The following MACROD2 variants were observed in gnomAD, a reference collection of about 807,000 sequenced individuals.
The protein encoded by MACROD2 is ADP-ribose glycohydrolase MACROD2.
In MACROD2, 36 loss-of-function variants were observed where a neutral mutation model predicts 70.4. That is an observed-to-expected ratio of 0.51 (90% CI 0.39 to 0.68). MACROD2 has a LOEUF of 0.68. Among genes scored for constraint, MACROD2 ranks in the 30% least tolerant of loss-of-function variants. MACROD2 has a pLI of 0.00. For synonymous variants in MACROD2, 172 were observed against 178.8 expected (o/e 0.96, Z 0.30); for missense variants, 496 against 538.4 (o/e 0.92, Z 0.78).
At chr20:15,294,277 T>C (rs2077567115) in intron 6 of MACROD2, among the ~76,000 whole-genome samples, 1 of 152,132 alleles carries the variant, frequency 6.6e-6, no homozygotes, top group Non-Finnish European at 1.5e-5. Flanking sequence ...CCAGGTGACC[T>C]CTTTCCCACC....
chr20:16,043,430 G>A (rs2067334456), intron 16 of MACROD2, among the ~76,000 whole-genome samples: 2 of 152,082 alleles, frequency 1.3e-5, no homozygotes, highest in Admixed American at 6.6e-5. Flanking sequence ...TATATGATCT[G>A]GCCATTGTCT....
chr20:15,784,595 CA>C (rs1242206788), intron 8 of MACROD2, among the ~76,000 whole-genome samples: 1 of 152,080 alleles, frequency 6.6e-6, no homozygotes, highest in Non-Finnish European at 1.5e-5. Flanking sequence ...ACTTCCTGAT[CA>C]TCTTCTTCTG....
chr20:15,096,712 A>G (rs1425135990), intron 5 of MACROD2, among the ~76,000 whole-genome samples: 1 of 151,242 alleles, frequency 6.6e-6, no homozygotes, highest in Non-Finnish European at 1.5e-5. Flanking sequence ...AGCTTTCACC[A>G]TGTTGACCAG....
chr20:15,119,265 T>C (rs1381890076), intron 5 of MACROD2, among the ~76,000 whole-genome samples: 1 of 152,212 alleles, frequency 6.6e-6, no homozygotes, highest in Non-Finnish European at 1.5e-5. Flanking sequence ...CTCTACTTTA[T>C]GTTGTATCTT....
chr20:14,125,742 G>A (rs749655778), intron 3 of MACROD2, among the ~76,000 whole-genome samples: 3 of 152,000 alleles, frequency 2.0e-5, no homozygotes, highest in Non-Finnish European at 4.4e-5. Flanking sequence ...CAAGTATACA[G>A]CATAACTCTT....
intron 8 of MACROD2, among the ~76,000 whole-genome samples, chr20:15,798,055 C>A (rs570938861): frequency 3.9e-4 from 59 of 152,296 alleles, no homozygotes; most frequent in African/African-American, 1.4e-3. Flanking sequence ...ATGAGCATAG[C>A]TGTGTTTTGC....
chr20:14,310,025 G>A (rs947811012), intron 3 of MACROD2, among the ~76,000 whole-genome samples: 4 of 151,964 alleles, frequency 2.6e-5, no homozygotes, highest in Non-Finnish European at 5.9e-5. Flanking sequence ...TGAGCATGGG[G>A]GCTTGCTGGA....
intron 7 of MACROD2, among the ~76,000 whole-genome samples, chr20:15,443,748 CA>C (rs2146379390): frequency 1.3e-5 from 2 of 152,230 alleles, no homozygotes; most frequent in South Asian, 4.2e-4. Flanking sequence ...ATATCTGTTT[CA>C]TGGCTAAAAA....
rs190872632 is a variant in MACROD2, at chr20:14,767,939, A to G, written c.418+82980A>G. On this transcript the variant is annotated intron_variant, in intron 5 of 17. Transcript: ENST00000684519. Reference sequence around the variant, plus strand: ...TTTGGTGAGAATGATGGTTTCCAGCATCATCCATGTCCCTGCAAGGACATG... The same window carrying G: ...TTTGGTGAGAATGATGGTTTCCAGCGTCATCCATGTCCCTGCAAGGACATG... 1.8e-4 allele frequency among the ~76,000 whole-genome samples: 27 copies of G among 152,136 alleles called. No individual in the cohort carries two copies. In the East Asian group the frequency reaches 5.2e-3, roughly 29 times the overall value.
intron 8 of MACROD2, among the ~76,000 whole-genome samples, chr20:15,503,920 A>G (rs1309010203): frequency 6.6e-6 from 1 of 152,212 alleles, no homozygotes; most frequent in African/African-American, 2.4e-5. Context: ...TTTCTTATTC[A>G]GCTGAGTTTA....
chr20:15,556,121 G>A (rs1470812447), intron 8 of MACROD2, among the ~76,000 whole-genome samples: 4 of 152,100 alleles, frequency 2.6e-5, no homozygotes, highest in Non-Finnish European at 4.4e-5. Flanking sequence ...ATTAAAATGG[G>A]TCATATGCAT....
At chr20:15,664,655 A>G (rs1568961132) in intron 8 of MACROD2, among the ~76,000 whole-genome samples, 1 of 152,140 alleles carries the variant, frequency 6.6e-6, no homozygotes, top group Non-Finnish European at 1.5e-5. Flanking sequence ...TGATCCTCAT[A>G]TGCTTGGTCT....
intron 3 of MACROD2, among the ~76,000 whole-genome samples, chr20:14,365,135 T>G (rs565987222): frequency 3.3e-4 from 50 of 152,316 alleles, no homozygotes; most frequent in Admixed American, 2.8e-3. Flanking sequence ...GATTACTGAC[T>G]TAATCTCTTT....
At chr20:14,508,036 T>C (rs893647096) in intron 4 of MACROD2, among the ~76,000 whole-genome samples, 1 of 152,008 alleles carries the variant, frequency 6.6e-6, no homozygotes. Flanking sequence ...AGAAGAGGCA[T>C]GGAGGGAGAG....
At chr20:14,873,526 T>A (rs1339146812) in intron 5 of MACROD2, among the ~76,000 whole-genome samples, 2 of 152,038 alleles carry the variant, frequency 1.3e-5, no homozygotes, top group Non-Finnish European at 2.9e-5. Context: ...AGGTGGAAAA[T>A]CTCATTAATG....
At chr20:15,901,086 G>T (rs151153550) in intron 10 of MACROD2, among the ~76,000 whole-genome samples, 2 of 152,218 alleles carry the variant, frequency 1.3e-5, no homozygotes, top group African/African-American at 4.8e-5. Flanking sequence ...TGCAAGCAGA[G>T]ATACATTTTT....
At chr20:16,035,297 T>A (rs1169919120) in intron 15 of MACROD2, among the ~76,000 whole-genome samples, 1 of 150,782 alleles carries the variant, frequency 6.6e-6, no homozygotes, top group Admixed American at 6.7e-5. Context: ...AGTTGTGAAT[T>A]GTGCTGCTAT....
At chr20:14,170,249 GTC>G (rs2081209016) in intron 3 of MACROD2, among the ~76,000 whole-genome samples, 1 of 152,148 alleles carries the variant, frequency 6.6e-6, no homozygotes, top group South Asian at 2.1e-4. Context: ...TTTTGGAGGA[GTC>G]TTTAGGGTTT....
At chr20:14,190,690 ATATATATATTTTTT>A (rs2081377825) in intron 3 of MACROD2, among the ~76,000 whole-genome samples, 1 of 42,218 alleles carries the variant, frequency 2.4e-5, no homozygotes, top group Non-Finnish European at 4.1e-5. Context: ...ATATATATAT[ATATATATATTTTTT>A]TTTTTTTTTT....
Sources: gnomAD v4.1 joint callset for allele counts (sites outside exome capture counted in the v4.1 genomes callset) on GRCh38, gnomAD v4.1.1 for gene constraint, MANE v1.5 for transcripts, NCBI Gene and HGNC (gene_info 2026-07-23, HGNC 2026-07-21) for gene names.